NCALD: variants seen among roughly 807,000 people sequenced by gnomAD.
NCALD encodes the protein neurocalcin delta, also known as neurocalcin-delta.
Under a neutral mutation model 18.6 loss-of-function variants are expected in NCALD, and 10 were observed. The ratio of observed to expected loss-of-function variants is 0.54; its 90% CI spans 0.33 to 0.91. The LOEUF (loss-of-function observed/expected upper bound fraction) is 0.91, where lower values mean the gene tolerates loss of function less well. NCALD is among the 40% of genes least tolerant of loss of function. NCALD has a pLI of 0.03. For missense variants in NCALD, 184 were observed against 247.6 expected (o/e 0.74, Z 1.72); for synonymous variants, 88 against 87.4 (o/e 1.01, Z -0.04).
intron 1 of NCALD, among the ~76,000 whole-genome samples, chr8:101,759,132 C>T (rs1249507404): frequency 4.6e-5 from 7 of 152,334 alleles, no homozygotes; most frequent in Admixed American, 3.3e-4. Flanking sequence ...TCAATAACAG[C>T]ATTGCTTAAT....
At chr8:101,715,920 AG>A (rs1816057198) in intron 2 of NCALD, among the ~76,000 whole-genome samples, 1 of 152,212 alleles carries the variant, frequency 6.6e-6, no homozygotes, top group African/African-American at 2.4e-5. Flanking sequence ...CGATTCCTCA[AG>A]GATCTAGAAC....
chr8:102,008,272 A>C (rs962682796), intron 2 of NCALD, among the ~76,000 whole-genome samples: 14 of 152,194 alleles, frequency 9.2e-5, no homozygotes, highest in African/African-American at 2.9e-4. Context: ...ATTCCCAAAC[A>C]ATCTATGAGC....
intron 1 of NCALD, among the ~76,000 whole-genome samples, chr8:102,113,834 T>C (rs1825705412): frequency 6.6e-6 from 1 of 152,244 alleles, no homozygotes; most frequent in African/African-American, 2.4e-5. Context: ...TTAAAAGGTA[T>C]GTAAGATAAG....
intron 2 of NCALD, among the ~76,000 whole-genome samples, chr8:101,941,650 T>C (rs1400004946): frequency 6.6e-6 from 1 of 152,228 alleles, no homozygotes; most frequent in Non-Finnish European, 1.5e-5. Context: ...AAACAAGGAC[T>C]CATATTGGGT....
rs376210320 is a variant in NCALD, at chr8:101,734,585, G to T, written c.-19-14937C>A. On this transcript the variant is annotated intron_variant, in intron 1 of 3. Transcript: ENST00000220931. ...GACGAGCATTTTATTTTGCTGTGGCGCCAGCATCCCACCTTCAGGCTTTTT... is the reference window on the plus strand; with the variant it reads ...GACGAGCATTTTATTTTGCTGTGGCTCCAGCATCCCACCTTCAGGCTTTTT... Among the ~76,000 whole-genome samples, 11 of 152,208 alleles carry T rather than the reference G, an allele frequency of 7.2e-5. No individual in the cohort carries two copies. The East Asian group carries it at 1.7e-3, about 24-fold the overall frequency.
At chr8:101,934,070 T>A (rs1313009597) in intron 2 of NCALD, among the ~76,000 whole-genome samples, 1 of 152,214 alleles carries the variant, frequency 6.6e-6, no homozygotes, top group Non-Finnish European at 1.5e-5. Flanking sequence ...AGTTAGATGA[T>A]GAAGAGGATT....
chr8:101,709,544 C>G (rs190532217), intron 2 of NCALD, among the ~76,000 whole-genome samples: 1 of 152,294 alleles, frequency 6.6e-6, no homozygotes, highest in East Asian at 1.9e-4. Flanking sequence ...AAATGTAATT[C>G]CATTTTCTTC....
chr8:101,910,582 C>T (rs972488386), intron 3 of NCALD, among the ~76,000 whole-genome samples: 9 of 152,056 alleles, frequency 5.9e-5, no homozygotes, highest in African/African-American at 2.2e-4. Flanking sequence ...TTAGGATGAT[C>T]TAGAAACAAA....
At chr8:101,749,072 G>A (rs1810545411) in intron 1 of NCALD, among the ~76,000 whole-genome samples, 1 of 152,184 alleles carries the variant, frequency 6.6e-6, no homozygotes, top group African/African-American at 2.4e-5. Flanking sequence ...TTAATTCTGT[G>A]TGCTTTAAAA....
intron 1 of NCALD, among the ~76,000 whole-genome samples, chr8:102,039,640 T>G (rs548474400): frequency 1.3e-5 from 2 of 152,262 alleles, no homozygotes; most frequent in African/African-American, 4.8e-5. Flanking sequence ...TTCCTTGACC[T>G]CTCTGTGCCT....
At chr8:101,870,493 G>A (rs480570) in intron 4 of NCALD, among the ~76,000 whole-genome samples, 39,637 of 152,026 alleles carry the variant, frequency 0.26, 5,567 homozygotes, top group East Asian at 0.36. Flanking sequence ...TGTTGTTCTG[G>A]TGATTTAAGT....
chr8:101,948,859 G>T (rs1819279759), intron 2 of NCALD, among the ~76,000 whole-genome samples: 1 of 152,126 alleles, frequency 6.6e-6, no homozygotes, highest in Non-Finnish European at 1.5e-5. Context: ...CTGGGCCTCA[G>T]TTTCCCTCAT....
chr8:101,877,107 T>C (rs535657087), intron 4 of NCALD, among the ~76,000 whole-genome samples: 3 of 152,366 alleles, frequency 2.0e-5, no homozygotes, highest in East Asian at 3.9e-4. Flanking sequence ...CTCTCAGCTA[T>C]TGTATATGTA....
chr8:101,687,795 T>C lies in NCALD; in HGVS notation c.*1514A>G, dbSNP rs186658925. 6.6e-6 allele frequency: 1 copy of C among 152,158 alleles called. No homozygotes were observed. Among genetic ancestry groups the C allele is most frequent in the Non-Finnish European group, 1.5e-5 (1 of 68,024 alleles). 9.4% of individuals were successfully genotyped at this position (152,158 alleles called of 1,614,324 possible). A position where few individuals can be genotyped will look rare whatever the true frequency, so the allele number is the denominator to read the frequency against. ...TATGACTCGCCTGTAACCAGCAAATTTTTACTCTTAGCTTTCAATTCAAAT... is the reference window on the plus strand; with the variant it reads ...TATGACTCGCCTGTAACCAGCAAATCTTTACTCTTAGCTTTCAATTCAAAT... On this transcript the variant is annotated 3_prime_UTR_variant, in exon 4 of 4. Coordinates refer to ENST00000220931, the MANE Select transcript of NCALD (RefSeq NM_032041.3).
chr8:101,786,889 G>T (rs1246504937), intron 1 of NCALD, among the ~76,000 whole-genome samples: 1 of 152,138 alleles, frequency 6.6e-6, no homozygotes, highest in Non-Finnish European at 1.5e-5. Context: ...TTAAAGGGAT[G>T]CCGTGTCTTT....
At chr8:102,043,101 T>C (rs888343903) in intron 1 of NCALD, among the ~76,000 whole-genome samples, 1 of 151,854 alleles carries the variant, frequency 6.6e-6, no homozygotes, top group South Asian at 2.1e-4. Context: ...AAGACCAAAG[T>C]ATAACCTCAC....
At chr8:101,763,966 C>CTCTCTCTCCACA (rs1491550100) in intron 1 of NCALD, among the ~76,000 whole-genome samples, 44 of 85,296 alleles carry the variant, frequency 5.2e-4, no homozygotes, top group African/African-American at 1.7e-3. Context: ...CTCTCTCTCT[C>CTCTCTCTCCACA]CACACACACA....
intron 4 of NCALD, among the ~76,000 whole-genome samples, chr8:101,857,053 C>T (rs931662858): frequency 6.6e-6 from 1 of 152,206 alleles, no homozygotes; most frequent in Non-Finnish European, 1.5e-5. Flanking sequence ...TCCTTTACCT[C>T]TAATCCCAAG....
At chr8:101,744,781 T>C (rs1215784876) in intron 1 of NCALD, among the ~76,000 whole-genome samples, 2 of 152,026 alleles carry the variant, frequency 1.3e-5, no homozygotes, top group Non-Finnish European at 2.9e-5. Flanking sequence ...AATGACACTA[T>C]GTATGCAGTA....
Sources: allele counts gnomAD v4.1 joint callset (sites outside exome capture counted in the v4.1 genomes callset), GRCh38; gene constraint gnomAD v4.1.1; transcripts MANE v1.5; gene names NCBI Gene and HGNC (gene_info 2026-07-23, HGNC 2026-07-21).